SLC27A2: variants seen among roughly 807,000 people sequenced by gnomAD.
SLC27A2 encodes long-chain fatty acid transport protein 2.
SLC27A2 carries 54 observed loss-of-function variants against 60.0 expected under a neutral mutation model. The ratio of observed to expected loss-of-function variants is 0.90; its 90% CI spans 0.72 to 1.13. The LOEUF is 1.13. Among genes scored for constraint, SLC27A2 ranks in the 50% most tolerant of loss-of-function variants. SLC27A2 has a pLI of 0.00. For missense variants in SLC27A2, 739 were observed against 777.6 expected (o/e 0.95, Z 0.59); for synonymous variants, 297 against 297.6 (o/e 1.00, Z 0.02).
At position 50,182,260 on chromosome 15, in the gene SLC27A2, C is replaced by A. The variant is rs1436566920; in HGVS notation, c.-168C>A. 4 of 1,102,678 alleles carry A rather than the reference C, an allele frequency of 3.6e-6. No individual in the cohort carries two copies. Among genetic ancestry groups the A allele is most frequent in the Admixed American group, 4.3e-5 (1 of 23,170 alleles). The allele number at this position is 1,102,678 out of a possible 1,614,324, so 68.3% of individuals were successfully genotyped here. On this transcript the variant is annotated 5_prime_UTR_variant, in exon 1 of 10. Transcript: ENST00000267842. ...ACCTGCTCCGGAGCCCGCGGCGGTA[C>A]CTGCAGCGGAGGAGCTCTGTCTTCC...
intron 7 of SLC27A2, 139 bp from the exon 8 acceptor site, chr15:50,228,806 G>A (rs1247746480): frequency 1.5e-6 from 1 of 649,698 alleles, no homozygotes; most frequent in Non-Finnish European, 2.8e-6. Flanking sequence ...CCAGGACTAA[G>A]TTGGGGAGTT....
At chr15:50,214,935 CT>C (rs1229766202) in intron 4 of SLC27A2, among the ~76,000 whole-genome samples, 6 of 152,084 alleles carry the variant, frequency 3.9e-5, no homozygotes, top group African/African-American at 1.4e-4. Context: ...CACCACTCCT[CT>C]TTAACATAGT....
chr15:50,198,387 A>G (rs1256103555), intron 2 of SLC27A2: 1 of 151,978 alleles, frequency 6.6e-6, no homozygotes, highest in Non-Finnish European at 1.5e-5. Context: ...ACATTTGTTG[A>G]TAAGATTCTG....
intron 4 of SLC27A2, among the ~76,000 whole-genome samples, chr15:50,211,860 G>T (rs189893270): frequency 6.6e-6 from 1 of 151,558 alleles, no homozygotes; most frequent in African/African-American, 2.4e-5. Context: ...TCACAAGGTC[G>T]GGAGATTGAG....
At chr15:50,234,979 T>C (rs930443792) in intron 9 of SLC27A2, among the ~76,000 whole-genome samples, 1 of 151,356 alleles carries the variant, frequency 6.6e-6, no homozygotes, top group African/African-American at 2.4e-5. Context: ...CTTTCTGTGG[T>C]GTGAAATTTA....
chr15:50,187,780 A>T (rs760824822), intron 1 of SLC27A2, among the ~76,000 whole-genome samples: 4 of 152,220 alleles, frequency 2.6e-5, no homozygotes, highest in Non-Finnish European at 5.9e-5. Context: ...TAAAGGAAAA[A>T]TGCTTACAAT....
At chr15:50,217,460 T>C (rs1345014236) in intron 4 of SLC27A2, among the ~76,000 whole-genome samples, 1 of 152,058 alleles carries the variant, frequency 6.6e-6, no homozygotes, top group Non-Finnish European at 1.5e-5. Context: ...ACCAGCTCCT[T>C]TCCCCTGCAC....
chr15:50,216,261 C>A (rs577030872), intron 4 of SLC27A2, among the ~76,000 whole-genome samples: 114 of 152,070 alleles, frequency 7.5e-4, no homozygotes, highest in Admixed American at 3.8e-3. Flanking sequence ...AATGCGATAC[C>A]ACCTTACTCC....
chr15:50,215,617 A>C (rs948231414), intron 4 of SLC27A2, among the ~76,000 whole-genome samples: 3 of 152,228 alleles, frequency 2.0e-5, no homozygotes, highest in Non-Finnish European at 4.4e-5. Context: ...AAAAACAGGC[A>C]TGTAGACCAT....
At chr15:50,195,311 G>GA (rs745744454) in intron 1 of SLC27A2, among the ~76,000 whole-genome samples, 5,786 of 110,636 alleles carry the variant, frequency 0.052, 216 homozygotes, top group African/African-American at 0.1. Context: ...CTAAAAATAT[G>GA]AAAAAAAAAA....
chr15:50,192,406 G>A (rs1595680694), intron 1 of SLC27A2, among the ~76,000 whole-genome samples: 2 of 152,334 alleles, frequency 1.3e-5, no homozygotes, highest in African/African-American at 2.4e-5. Context: ...CTACATGCCT[G>A]CAGAGGGCCA....
intron 4 of SLC27A2, among the ~76,000 whole-genome samples, chr15:50,213,141 G>A (rs2045170186): frequency 6.6e-6 from 1 of 152,202 alleles, no homozygotes; most frequent in South Asian, 2.1e-4. Context: ...TGAAAAGTGA[G>A]CAGAGGTAGC....
chr15:50,231,370 C>T (rs2045315790), intron 8 of SLC27A2, among the ~76,000 whole-genome samples: 1 of 151,978 alleles, frequency 6.6e-6, no homozygotes, highest in Non-Finnish European at 1.5e-5. Flanking sequence ...TGCTCTCGAA[C>T]TCCTAACCTC....
Position 50,229,032 on chromosome 15 carries a change from G to A in SLC27A2, c.1545G>A (p.Val515=), listed in dbSNP as rs377439390. The A allele has an allele frequency of 2.2e-5, 35 of 1,606,296 alleles. No homozygotes were observed. Among genetic ancestry groups the A allele is most frequent in the Non-Finnish European group, 2.7e-5 (32 of 1,173,526 alleles). The change falls in exon 8 of 10, where the codon GTG becomes GTA. Residue 515 remains valine (V), a synonymous_variant. Transcript: ENST00000267842. The part of the protein sequence containing the change: ...DFVQEVNVYG[V]HVPDHEGRIG... ...TCCAAGAAGTAAATGTTTATGGAGT[G>A]CATGTGCCAGGTATATACAAGATAT...
At chr15:50,219,687 A>G (rs2045229504) in intron 4 of SLC27A2, among the ~76,000 whole-genome samples, 1 of 152,088 alleles carries the variant, frequency 6.6e-6, no homozygotes, top group African/African-American at 2.4e-5. Flanking sequence ...ATTAGCTATC[A>G]CCTTTCATAG....
At chr15:50,206,108 G>A (rs1199258787) in intron 4 of SLC27A2, among the ~76,000 whole-genome samples, 1 of 152,144 alleles carries the variant, frequency 6.6e-6, no homozygotes, top group African/African-American at 2.4e-5. Context: ...TATCAATGGT[G>A]GCACTGCTGA....
intron 4 of SLC27A2, among the ~76,000 whole-genome samples, chr15:50,218,181 GAAA>G (rs966159763): frequency 2.0e-5 from 3 of 147,872 alleles, no homozygotes; most frequent in South Asian, 2.1e-4. Flanking sequence ...TGTTTTAAAA[GAAA>G]AAAAGAATCA....
chr15:50,183,031 T>C, intron 1 of SLC27A2, 126 bp downstream of exon 1: 1 of 960,528 alleles, frequency 1.0e-6, no homozygotes, highest in Non-Finnish European at 1.6e-6. Context: ...TAGAAAAAGG[T>C]TGGCAGTGTT....
chr15:50,214,803 A>C (rs2045183071), intron 4 of SLC27A2, among the ~76,000 whole-genome samples: 1 of 152,274 alleles, frequency 6.6e-6, no homozygotes, highest in South Asian at 2.1e-4. Flanking sequence ...TCGGCATACA[A>C]GGGACATACC....
Sources: gnomAD v4.1 joint callset for allele counts (sites outside exome capture counted in the v4.1 genomes callset) on GRCh38, gnomAD v4.1.1 for gene constraint, MANE v1.5 for transcripts, NCBI Gene and HGNC (gene_info 2026-07-23, HGNC 2026-07-21) for gene names.